SPATA17: variants seen among roughly 807,000 people sequenced by gnomAD.
SPATA17 encodes spermatogenesis associated 17, also known as spermatogenesis-associated protein 17.
A neutral mutation model predicts 62.2 loss-of-function variants in SPATA17; 53 were observed. That is an observed-to-expected ratio of 0.85 (90% CI 0.68 to 1.07). SPATA17 has a LOEUF of 1.07. Among genes scored for constraint, SPATA17 ranks in the 50% least tolerant of loss-of-function variants. SPATA17 has a pLI of 0.00. For missense variants in SPATA17, 466 were observed against 425.5 expected, an observed-to-expected ratio of 1.10 and a Z score of -0.84; for synonymous variants, 146 against 146.8, an observed-to-expected ratio of 0.99 and a Z score of 0.04.
intron 6 of SPATA17, among the ~76,000 whole-genome samples, chr1:217,767,559 A>G (rs1300483574): frequency 6.6e-6 from 1 of 152,128 alleles, no homozygotes; most frequent in African/African-American, 2.4e-5. Flanking sequence ...CATTTTTAAC[A>G]ACTTTCTTCT....
At chr1:217,635,318 A>C (rs770733705) in intron 1 of SPATA17, among the ~76,000 whole-genome samples, 1 of 152,220 alleles carries the variant, frequency 6.6e-6, no homozygotes, top group Non-Finnish European at 1.5e-5. Context: ...GCTTTTATAC[A>C]TATGTATTAT....
At chr1:217,738,710 G>C (rs889163773) in intron 5 of SPATA17, among the ~76,000 whole-genome samples, 3 of 152,190 alleles carry the variant, frequency 2.0e-5, no homozygotes, top group Non-Finnish European at 4.4e-5. Flanking sequence ...CCAACACTTG[G>C]GGAAGCCAAG....
rs115944794 is a variant in SPATA17, at chr1:217,697,861, A to G, written c.395+14500A>G. 7.9e-3 allele frequency among the ~76,000 whole-genome samples: 1,209 copies of G among 152,216 alleles called. 19 individuals are homozygous for G. The highest frequency in any genetic ancestry group is 0.027 in the African/African-American group (1,109 of 41,542). ...ATTCATGACTTAAATCTTCTTGTCT[A>G]TAGTATTCTTCTTTGTGTTATTTAT... On this transcript the variant is annotated intron_variant, in intron 5 of 10. Transcript: ENST00000366933.
chr1:217,665,744 C>T (rs1373599579), intron 3 of SPATA17, among the ~76,000 whole-genome samples: 3 of 152,106 alleles, frequency 2.0e-5, no homozygotes, highest in Admixed American at 2.0e-4. Flanking sequence ...CCTCTGTGGT[C>T]TAATTCCATT....
At chr1:217,753,173 C>T (rs1267338553) in intron 6 of SPATA17, among the ~76,000 whole-genome samples, 3 of 152,134 alleles carry the variant, frequency 2.0e-5, no homozygotes, top group Non-Finnish European at 4.4e-5. Context: ...TGCCAGGGTC[C>T]TACCCTGTGC....
At chr1:217,837,875 A>G (rs1032055717) in intron 9 of SPATA17, among the ~76,000 whole-genome samples, 1 of 152,158 alleles carries the variant, frequency 6.6e-6, no homozygotes, top group African/African-American at 2.4e-5. Flanking sequence ...TAAATAGCAG[A>G]CAGCTGCTCC....
At chr1:217,649,074 T>G (rs545867964) in intron 2 of SPATA17, 103 bp downstream of exon 2, 250 of 726,338 alleles carry the variant, frequency 3.4e-4, no homozygotes, top group Middle Eastern at 3.4e-4. Context: ...ATTTTTTATT[T>G]TACTCATAAT....
At chr1:217,738,844 T>C (rs1314883579) in intron 5 of SPATA17, among the ~76,000 whole-genome samples, 3 of 152,148 alleles carry the variant, frequency 2.0e-5, no homozygotes, top group Non-Finnish European at 4.4e-5. Flanking sequence ...CCCAGCTACT[T>C]GGGAGGTTGA....
At chr1:217,681,590 G>T (rs1671086148) in intron 4 of SPATA17, among the ~76,000 whole-genome samples, 1 of 151,964 alleles carries the variant, frequency 6.6e-6, no homozygotes, top group Non-Finnish European at 1.5e-5. Context: ...GTAGAGACAG[G>T]TTTTTACCAT....
intron 8 of SPATA17, among the ~76,000 whole-genome samples, chr1:217,792,995 A>ATTTGAGGTTCCT (rs1421111391): frequency 1.3e-5 from 2 of 152,172 alleles, no homozygotes; most frequent in Admixed American, 1.3e-4. Context: ...AGGCAGCTCT[A>ATTTGAGGTTCCT]TTTGAGGTTC....
intron 6 of SPATA17, among the ~76,000 whole-genome samples, chr1:217,758,802 G>C (rs912016541): frequency 3.9e-5 from 6 of 152,144 alleles, no homozygotes; most frequent in African/African-American, 1.4e-4. Flanking sequence ...ATGAACTTAT[G>C]GGTAACAAGA....
intron 9 of SPATA17, among the ~76,000 whole-genome samples, chr1:217,835,598 T>C (rs572238523): frequency 6.6e-6 from 1 of 152,252 alleles, no homozygotes; most frequent in East Asian, 1.9e-4. Context: ...TAAAATTTTC[T>C]AAGTAAGTCA....
chr1:217,765,291 A>G (rs1446136775), intron 6 of SPATA17, among the ~76,000 whole-genome samples: 1 of 150,978 alleles, frequency 6.6e-6, no homozygotes, highest in Non-Finnish European at 1.5e-5. Flanking sequence ...AATTTTTATT[A>G]CTTCTTTTCT....
intron 5 of SPATA17, among the ~76,000 whole-genome samples, chr1:217,739,113 C>G (rs1672574076): frequency 6.6e-6 from 1 of 151,994 alleles, no homozygotes. Flanking sequence ...TAAAGCTTTG[C>G]AAAAGTTTCA....
intron 3 of SPATA17, among the ~76,000 whole-genome samples, chr1:217,651,593 C>G (rs1026284971): frequency 2.6e-5 from 4 of 152,106 alleles, no homozygotes; most frequent in Admixed American, 2.6e-4. Flanking sequence ...CTAAACTGAT[C>G]AAAGCAAAGA....
chr1:217,851,641 G>C (rs1675667882), intron 9 of SPATA17, among the ~76,000 whole-genome samples: 1 of 152,152 alleles, frequency 6.6e-6, no homozygotes, highest in African/African-American at 2.4e-5. Flanking sequence ...AAATGGTGTT[G>C]TTAGCAGACT....
intron 1 of SPATA17, among the ~76,000 whole-genome samples, chr1:217,648,565 A>G (rs1670240024): frequency 6.6e-6 from 1 of 152,236 alleles, no homozygotes; most frequent in African/African-American, 2.4e-5. Context: ...TTTAAAAATA[A>G]TGTCAAAATA....
intron 5 of SPATA17, among the ~76,000 whole-genome samples, chr1:217,727,456 G>A (rs933838910): frequency 6.6e-6 from 1 of 151,762 alleles, no homozygotes; most frequent in Non-Finnish European, 1.5e-5. Context: ...TACAGTTCTT[G>A]ATGCATAGTG....
intron 3 of SPATA17, among the ~76,000 whole-genome samples, chr1:217,661,811 G>C (rs1344747607): frequency 6.6e-6 from 1 of 151,998 alleles, no homozygotes; most frequent in Non-Finnish European, 1.5e-5. Context: ...CAGTGCACAT[G>C]CATTTTATGC....
Sources: allele counts gnomAD v4.1 joint callset (sites outside exome capture counted in the v4.1 genomes callset), GRCh38; gene constraint gnomAD v4.1.1; transcripts MANE v1.5; gene names NCBI Gene and HGNC (gene_info 2026-07-23, HGNC 2026-07-21).